Variants in PTPRM observed in about 807,000 individuals in gnomAD.
PTPRM encodes protein tyrosine phosphatase receptor type M, also known as receptor-type tyrosine-protein phosphatase mu.
A neutral mutation model predicts 186.7 loss-of-function variants in PTPRM; 47 were observed. The ratio of observed to expected loss-of-function variants is 0.25; its 90% CI spans 0.20 to 0.32. The LOEUF is 0.32. Among genes scored for constraint, PTPRM ranks in the 10% least tolerant of loss-of-function variants. PTPRM has a pLI of 1.00. For synonymous variants in PTPRM, 668 were observed against 674.9 expected (o/e 0.99, Z 0.16); for missense variants, 1,494 against 1,865.0 (o/e 0.80, Z 3.66).
chr18:8,078,790 G>T (rs527541765), intron 9 of PTPRM, among the ~76,000 whole-genome samples: 57 of 152,298 alleles, frequency 3.7e-4, no homozygotes, highest in Admixed American at 1.1e-3. Context: ...GTGAAGGGCA[G>T]CAGGCACGTC....
intron 7 of PTPRM, among the ~76,000 whole-genome samples, chr18:8,038,981 G>GT (rs2086522300): frequency 1.3e-5 from 2 of 150,536 alleles, no homozygotes; most frequent in Non-Finnish European, 3.0e-5. Flanking sequence ...TATTTTCAGG[G>GT]GTTTTTTTTT....
At chr18:8,131,619 A>T (rs1314340421) in intron 13 of PTPRM, among the ~76,000 whole-genome samples, 1 of 152,214 alleles carries the variant, frequency 6.6e-6, no homozygotes, top group Non-Finnish European at 1.5e-5. Flanking sequence ...ATATTTCAAC[A>T]GCATCAGTTC....
intron 30 of PTPRM, among the ~76,000 whole-genome samples, chr18:8,385,675 G>A (rs960096554): frequency 2.6e-5 from 4 of 152,232 alleles, no homozygotes; most frequent in South Asian, 2.1e-4. Flanking sequence ...TGGGGGCCCC[G>A]GCTGGAAGGG....
chr18:8,110,085 T>G (rs2091692856), intron 11 of PTPRM, among the ~76,000 whole-genome samples: 1 of 152,202 alleles, frequency 6.6e-6, no homozygotes, highest in South Asian at 2.1e-4. Flanking sequence ...ACATAGAATG[T>G]GTAATATACC....
chr18:8,271,540 C>T (rs1282798596), intron 19 of PTPRM, among the ~76,000 whole-genome samples: 1 of 151,836 alleles, frequency 6.6e-6, no homozygotes, highest in Admixed American at 6.6e-5. Context: ...TGAGTGGAAT[C>T]ACATTCTGTA....
chr18:7,674,856 A>G (rs1422188376), intron 1 of PTPRM, among the ~76,000 whole-genome samples: 1 of 152,254 alleles, frequency 6.6e-6, no homozygotes, highest in African/African-American at 2.4e-5. Context: ...CTGTAGTTAC[A>G]TAGAAATGAA....
Position 7,888,174 on chromosome 18 carries a change from C to T in PTPRM, c.265C>T (p.Leu89Phe). Residue 89 changes from leucine to phenylalanine, a missense_variant, in exon 3 of 33, where the codon CTT (leucine) becomes TTT (phenylalanine). Physicochemically the swap from Leu to Phe is conservative, Grantham distance 22 (BLOSUM62 0). This residue lies in a region of PTPRM where 296 missense variants were observed against 345.5 expected (regional missense o/e 0.86). Transcript: ENST00000580170. ...GAGAGCCCACCTGCTCTTACCCCAA[C>T]TTAAAGAAAATGACACCCACTGCAT... is the stretch of plus-strand genomic sequence containing the variant. Reference protein sequence around the residue: ...GQRAHLLLPQLKENDTHCIDF... With the variant: ...GQRAHLLLPQFKENDTHCIDF... 6.2e-7 allele frequency: 1 copy of T among 1,614,158 alleles called. No individual in the cohort carries two copies. Among genetic ancestry groups the T allele is most frequent in the Non-Finnish European group, 8.5e-7 (1 of 1,180,006 alleles).
At chr18:8,254,398 C>A (rs776934119) in intron 19 of PTPRM, among the ~76,000 whole-genome samples, 1 of 152,082 alleles carries the variant, frequency 6.6e-6, no homozygotes, top group Non-Finnish European at 1.5e-5. Context: ...TGGTGTGGGG[C>A]CCAGGGAGCA....
At chr18:7,978,272 C>T (rs1490307043) in intron 7 of PTPRM, among the ~76,000 whole-genome samples, 9 of 152,104 alleles carry the variant, frequency 5.9e-5, no homozygotes, top group Non-Finnish European at 1.0e-4. Context: ...ATAGAACATA[C>T]AGATATAAGC....
intron 11 of PTPRM, among the ~76,000 whole-genome samples, chr18:8,108,741 C>A (rs1407872918): frequency 2.0e-5 from 3 of 152,154 alleles, no homozygotes; most frequent in Non-Finnish European, 4.4e-5. Context: ...ATAAATTAAA[C>A]TTTAAATTAA....
rs935848898 is a variant in PTPRM at position 7,568,025 on chromosome 18, C to T, written c.73+134C>T. On this transcript the variant is annotated intron_variant, in intron 1 of 32. Transcript: ENST00000580170. This position sits in a 1 kb window ranked among gnomAD's most constrained non-coding sequence, Gnocchi z 5.1. ...GCGGGGGGCGCGGCGGGCCGGACAC[C>T]GCTTCTGCCTGTGAGCCGGGCGCTG... 1.3e-5 allele frequency: 11 copies of T among 817,694 alleles called. No individual in the cohort carries two copies. The highest frequency in any genetic ancestry group is 1.8e-5 in the Non-Finnish European group (11 of 595,958). 50.7% of individuals were successfully genotyped at this position (817,694 alleles called of 1,614,324 possible).
intron 19 of PTPRM, among the ~76,000 whole-genome samples, chr18:8,260,912 TAGACGACTTTTC>T (rs2094624284): frequency 6.6e-6 from 1 of 152,208 alleles, no homozygotes; most frequent in Admixed American, 6.5e-5. Context: ...CACACACTTC[TAGACGACTTTTC>T]AGAATGGTGC....
intron 13 of PTPRM, among the ~76,000 whole-genome samples, chr18:8,125,784 C>A (rs761836222): frequency 5.9e-5 from 9 of 151,532 alleles, no homozygotes; most frequent in African/African-American, 1.9e-4. Flanking sequence ...CCTTTTATCT[C>A]GCGATTCACT....
In PTPRM at chr18:7,927,476, G is replaced by GT. The variant is rs745963462; in HGVS notation, c.663+804dup. 5.4e-3 allele frequency among the ~76,000 whole-genome samples: 670 copies of GT among 123,376 alleles called. 2 individuals carry two copies. The highest frequency in any genetic ancestry group is 0.018 in the Middle Eastern group (4 of 224). 80.9% of individuals were successfully genotyped at this position (123,376 alleles called of 152,430 possible). On this transcript the variant is annotated intron_variant, in intron 5 of 32. Transcript: ENST00000580170. Reference sequence around the variant, plus strand: ...CTTTCCGTGTTTTGTGTGGGTGTGGGTTTTTTTTTTTAAAGTATTATCTAT... The same window carrying GT: ...CTTTCCGTGTTTTGTGTGGGTGTGGGTTTTTTTTTTTTAAAGTATTATCTAT...
chr18:7,643,274 A>G (rs943332289), intron 1 of PTPRM, among the ~76,000 whole-genome samples: 3 of 152,112 alleles, frequency 2.0e-5, no homozygotes, highest in Admixed American at 6.6e-5. Flanking sequence ...CCAAAATAAA[A>G]CCCATTATTG....
chr18:8,226,990 A>G (rs2094221564), intron 14 of PTPRM, among the ~76,000 whole-genome samples: 1 of 152,212 alleles, frequency 6.6e-6, no homozygotes, highest in Non-Finnish European at 1.5e-5. Flanking sequence ...TTAAGGTGTC[A>G]TGTGATAACA....
In PTPRM at chr18:8,058,127, C is replaced by A. The variant is rs200119121; in HGVS notation, c.1133-11559C>A. On this transcript the variant is annotated intron_variant, in intron 7 of 32. Coordinates refer to ENST00000580170, the MANE Select transcript of PTPRM (RefSeq NM_001105244.2). ...CTCTCCAGCACCTGTTGTGTCCTGACTTTTTAATGATTGCCATTCTAACTG... is the reference window on the plus strand; with the variant it reads ...CTCTCCAGCACCTGTTGTGTCCTGAATTTTTAATGATTGCCATTCTAACTG... Among the ~76,000 whole-genome samples the A allele has an allele frequency of 4.4e-3, 580 of 131,632 alleles. 42 individuals carry two copies. The East Asian group carries it at 0.12, about 27-fold the overall frequency. 86.4% of individuals were successfully genotyped at this position (131,632 alleles called of 152,430 possible).
At chr18:7,807,752 G>A (rs1163094525) in intron 2 of PTPRM, among the ~76,000 whole-genome samples, 9 of 152,198 alleles carry the variant, frequency 5.9e-5, no homozygotes, top group Admixed American at 3.3e-4. Flanking sequence ...ATGTGTGCCT[G>A]TGTCGTATTG....
At chr18:7,872,291 T>C (rs2048021788) in intron 2 of PTPRM, among the ~76,000 whole-genome samples, 1 of 152,246 alleles carries the variant, frequency 6.6e-6, no homozygotes, top group Non-Finnish European at 1.5e-5. Context: ...CCTTTGATTG[T>C]AACTCAAGAT....
Sources: allele counts gnomAD v4.1 joint callset (sites outside exome capture counted in the v4.1 genomes callset), GRCh38; gene constraint gnomAD v4.1.1; regional missense constraint gnomAD v4.1.1; non-coding constraint Gnocchi (gnomAD v3.1); transcripts MANE v1.5; gene names NCBI Gene and HGNC (gene_info 2026-07-23, HGNC 2026-07-21).